The following VLDLR variants were observed in gnomAD, a reference collection of about 807,000 sequenced individuals.
VLDLR encodes very low density lipoprotein receptor.
Under a neutral mutation model 112.7 loss-of-function variants are expected in VLDLR, and 81 were observed. That is an observed-to-expected ratio of 0.72 (90% confidence interval 0.60 to 0.86). VLDLR has a LOEUF of 0.86. VLDLR is among the 40% of genes least tolerant of loss of function. VLDLR has a pLI of 0.00. For missense variants in VLDLR, 1,237 were observed against 1,099.4 expected (o/e 1.13, Z -1.77); for synonymous variants, 436 against 384.8 (o/e 1.13, Z -1.56).
rs191487812 is a variant in VLDLR at position 2,647,264 on chromosome 9, A to T, written c.1704-210A>T. 2.1e-3 allele frequency among the ~76,000 whole-genome samples: 325 copies of T among 152,332 alleles called. 1 individual carries two copies. The highest frequency in any genetic ancestry group is 6.8e-3 in the Middle Eastern group (2 of 294). Reference sequence around the variant, plus strand: ...TGGGCCGAAATTTAAATGTCAGACAAACATAGATTATTATAGTTAATAATG... The same window carrying T: ...TGGGCCGAAATTTAAATGTCAGACATACATAGATTATTATAGTTAATAATG... On this transcript the variant is annotated intron_variant, in intron 11 of 18. Coordinates refer to ENST00000382100, the MANE Select transcript of VLDLR (RefSeq NM_003383.5).
Position 2,651,414 on chromosome 9 carries a change from G to A in VLDLR, c.2252-1G>A, listed in dbSNP as rs1369334817. 6.2e-7 allele frequency: 1 copy of A among 1,613,502 alleles called. No individual in the cohort carries two copies. The highest frequency in any genetic ancestry group is 1.3e-5 in the African/African-American group (1 of 74,888). On this transcript the variant is annotated splice_acceptor_variant, in intron 15 of 18. Transcript: ENST00000382100. LOFTEE classifies it high-confidence loss of function. ...CCAGGTTCTTGGTTTTTATAATTCA[G>A]GTACTGCAACTACTGTGACTTACAG...
chr9:2,631,298 G>T (rs1322961568), intron 1 of VLDLR, among the ~76,000 whole-genome samples: 2 of 152,202 alleles, frequency 1.3e-5, no homozygotes, highest in Admixed American at 1.3e-4. Context: ...ATTTGATCCA[G>T]CAATCCCTCT....
rs903307111 is a variant in VLDLR, at chr9:2,658,481, G to T, written c.*4613G>T. 2 of 152,220 alleles carry T rather than the reference G, an allele frequency of 1.3e-5. No individual in the cohort carries two copies. Among genetic ancestry groups the T allele is most frequent in the Non-Finnish European group, 2.9e-5 (2 of 68,052 alleles). The allele number at this position is 152,220 out of a possible 1,614,324, so 9.4% of individuals were successfully genotyped here. ...GTTACCTCATGGCATATCAAAAATG[G>T]CTTTTTTCTTCACTGCGCTCAAGGA... On this transcript the variant is annotated 3_prime_UTR_variant, in exon 19 of 19. Coordinates refer to ENST00000382100, the MANE Select transcript of VLDLR (RefSeq NM_003383.5).
chr9:2,648,743 C>T lies in VLDLR; in HGVS notation c.2037C>T (p.Ala679=). The T allele has an allele frequency of 6.2e-7, 1 of 1,614,128 alleles. No homozygotes were observed. Among genetic ancestry groups the T allele is most frequent in the Admixed American group, 1.7e-5 (1 of 60,024 alleles). ...GANKFTGSEL[A]TLVNNLNDAQ... ...ATAAATTCACTGGATCAGAGCTAGCCACTCTAGTCAACAACCTGAATGATG... is the reference window on the plus strand; with the variant it reads ...ATAAATTCACTGGATCAGAGCTAGCTACTCTAGTCAACAACCTGAATGATG... Residue 679 remains alanine, a synonymous_variant, in exon 14 of 19, where the codon GCC becomes GCT. Transcript: ENST00000382100.
intron 16 of VLDLR, 63 bp from the exon 17 acceptor site, chr9:2,651,811 A>G: frequency 6.3e-7 from 1 of 1,591,362 alleles, no homozygotes; most frequent in East Asian, 2.2e-5. Context: ...TCCTTACCTG[A>G]TGGGTAAATT....
chr9:2,650,381 T>C lies in VLDLR; in HGVS notation c.2116T>C (p.Cys706Arg). Residue 706 changes from cysteine to arginine, a missense_variant, in exon 15 of 19, where the codon TGT (cysteine) becomes CGT (arginine). Coordinates refer to ENST00000382100, the MANE Select transcript of VLDLR (RefSeq NM_003383.5). ...TTTTTCCTGACTAGGTAAAAATTGG[T>C]GTGAAGAAGACATGGAGAATGGAGG... ...ELVQPSGKNW[C>R]EEDMENGGCE... 1 of 1,614,020 alleles carries C rather than the reference T, an allele frequency of 6.2e-7. No individual in the cohort carries two copies. The highest frequency in any genetic ancestry group is 8.5e-7 in the Non-Finnish European group (1 of 1,179,988).
At chr9:2,652,716 T>G in intron 17 of VLDLR, 64 bp from the exon 18 acceptor site, 1 of 1,599,828 alleles carries the variant, frequency 6.3e-7, no homozygotes, top group Admixed American at 1.7e-5. Flanking sequence ...CTGAACGTTA[T>G]TACCTTTCTT....
intron 2 of VLDLR, among the ~76,000 whole-genome samples, chr9:2,637,164 G>A (rs1039427241): frequency 1.3e-5 from 2 of 152,176 alleles, no homozygotes; most frequent in Non-Finnish European, 2.9e-5. Flanking sequence ...ATTACAATCA[G>A]GGAAGGTCTG....
chr9:2,624,032 G>A (rs765646163), intron 1 of VLDLR, among the ~76,000 whole-genome samples: 1 of 152,152 alleles, frequency 6.6e-6, no homozygotes, highest in Non-Finnish European at 1.5e-5. Context: ...TGAGAGAAAA[G>A]TTTCGTTTTT....
At position 2,621,864 on chromosome 9, in the gene VLDLR, G is replaced by A. The variant is rs1344179428; in HGVS notation, c.-326G>A. 7.0e-6 allele frequency: 4 copies of A among 575,168 alleles called. No individual in the cohort carries two copies. Among genetic ancestry groups the A allele is most frequent in the African/African-American group, 1.9e-5 (1 of 53,472 alleles). 35.6% of individuals were successfully genotyped at this position (575,168 alleles called of 1,614,324 possible). On this transcript the variant is annotated 5_prime_UTR_variant, in exon 1 of 19. Coordinates refer to ENST00000382100, the MANE Select transcript of VLDLR (RefSeq NM_003383.5). ...CGTTCTGTGCTCTCTTCTGCTCTCG[G>A]CTCCCCACCCCCTCTCCCTTCCCTC...
intron 1 of VLDLR, among the ~76,000 whole-genome samples, chr9:2,623,793 T>G (rs1380080332): frequency 6.6e-6 from 1 of 152,164 alleles, no homozygotes; most frequent in Non-Finnish European, 1.5e-5. Flanking sequence ...CTGGACTCTT[T>G]GAAGAGGACG....
rs1022671624 is a variant in VLDLR at position 2,655,330 on chromosome 9, A to T, written c.*1462A>T. On this transcript the variant is annotated 3_prime_UTR_variant, in exon 19 of 19. Coordinates refer to ENST00000382100, the MANE Select transcript of VLDLR (RefSeq NM_003383.5). Reference sequence around the variant, plus strand: ...TGAATTTTCCATCAGGTTGGCCATTACTTTCTTTCTCTAAAGTCTCAGGAT... The same window carrying T: ...TGAATTTTCCATCAGGTTGGCCATTTCTTTCTTTCTCTAAAGTCTCAGGAT... 2.0e-5 allele frequency: 3 copies of T among 152,168 alleles called. No homozygotes were observed. Among genetic ancestry groups the T allele is most frequent in the Admixed American group, 6.5e-5 (1 of 15,278 alleles). 9.4% of individuals were successfully genotyped at this position (152,168 alleles called of 1,614,324 possible).
intron 1 of VLDLR, among the ~76,000 whole-genome samples, chr9:2,627,779 C>T (rs539668703): frequency 1.3e-5 from 2 of 151,306 alleles, no homozygotes; most frequent in African/African-American, 4.9e-5. Flanking sequence ...GCAGGAGAAT[C>T]GCTTGAACCC....
intron 15 of VLDLR, 144 bp downstream of exon 15, chr9:2,650,660 A>AT: frequency 1.6e-6 from 2 of 1,247,502 alleles, no homozygotes; most frequent in East Asian, 2.5e-5. Flanking sequence ...CCGGGTTATC[A>AT]TGTCATTTCT....
intron 2 of VLDLR, 51 bp from the exon 3 acceptor site, chr9:2,639,808 G>C (rs752488386): frequency 9.9e-6 from 16 of 1,613,840 alleles, no homozygotes; most frequent in Non-Finnish European, 1.3e-5. Flanking sequence ...TGTGAAGCTA[G>C]GGCTGTGGGT....
At chr9:2,646,747 C>G (rs761715486) in intron 11 of VLDLR, among the ~76,000 whole-genome samples, 195 bp downstream of exon 11, 1 of 152,202 alleles carries the variant, frequency 6.6e-6, no homozygotes, top group Non-Finnish European at 1.5e-5. Context: ...GACAGGTCCT[C>G]CTGTCTGACT....
intron 3 of VLDLR, among the ~76,000 whole-genome samples, chr9:2,640,860 T>C (rs1817793186): frequency 6.6e-6 from 1 of 152,314 alleles, no homozygotes; most frequent in African/African-American, 2.4e-5. Context: ...CCTCAACTTT[T>C]AGTGGAGAAT....
At position 2,648,286 on chromosome 9, in the gene VLDLR, G is replaced by A. The variant is rs35339834; in HGVS notation, c.1901G>A (p.Arg634His). The part of the protein sequence containing the change: ...LSSVDLNGQD[R>H]RIVLKSLEFL... The stretch of plus-strand genomic sequence containing the variant: ...AGCGTGGACTTGAATGGCCAAGATC[G>A]TAGGATAGTACTAAAGTCTCTGGAG... Residue 634 changes from arginine (R) to histidine (H), a missense_variant, in exon 13 of 19, where the codon CGT becomes CAT. Transcript: ENST00000382100. The A allele has an allele frequency of 1.6e-3, 2,626 of 1,614,170 alleles. 2 individuals are homozygous for A. The highest frequency in any genetic ancestry group is 2.1e-3 in the Non-Finnish European group (2,532 of 1,180,006).
chr9:2,627,576 A>T (rs1195456316), intron 1 of VLDLR, among the ~76,000 whole-genome samples: 4 of 152,126 alleles, frequency 2.6e-5, no homozygotes, highest in African/African-American at 9.7e-5. Context: ...ATAAATTGCA[A>T]CAAAGAGGCC....
Sources: allele counts gnomAD v4.1 joint callset (sites outside exome capture counted in the v4.1 genomes callset), GRCh38; gene constraint gnomAD v4.1.1; transcripts MANE v1.5; gene names NCBI Gene and HGNC (gene_info 2026-07-23, HGNC 2026-07-21).